The following ZNF681 variants were observed in gnomAD, a reference collection of about 807,000 sequenced individuals.
ZNF681 encodes the protein hypothetical protein FLJ31526.
In ZNF681, 37 loss-of-function variants were observed where a neutral mutation model predicts 56.0. That is an observed-to-expected ratio of 0.66 (90% confidence interval 0.51 to 0.87). The LOEUF is 0.87. ZNF681 is among the 40% of genes least tolerant of loss of function. The pLI, the probability that ZNF681 is intolerant of heterozygous loss-of-function variation, is 0.00. For synonymous variants in ZNF681, 225 were observed against 248.6 expected (o/e 0.91, Z 0.89); for missense variants, 741 against 744.9 (o/e 0.99, Z 0.06).
chr19:23,744,452 G>C lies in ZNF681; in HGVS notation c.1098C>G (p.Tyr366Ter). 6.3e-7 allele frequency: 1 copy of C among 1,578,230 alleles called. No homozygotes were observed. The highest frequency in any genetic ancestry group is 8.6e-7 in the Non-Finnish European group (1 of 1,159,104). Reference protein sequence around the residue: ...HKIIHTGEKPYRCEECGKAFR... With the variant: ...HKIIHTGEKP ...AGGCTTTGCCACATTCTTCACATCT[G>C]TAGGGCTTCTCTCCAGTATGAATTA... The change falls in exon 4 of 4, where the codon TAC (tyrosine) becomes TAG (stop). Residue 366 changes from tyrosine (Y) to a stop codon, truncating the protein, a stop_gained. Coordinates refer to ENST00000402377, the MANE Select transcript of ZNF681 (RefSeq NM_138286.3). LOFTEE classifies it high-confidence loss of function.
At chr19:23,754,499 A>G (rs1969084684) in intron 3 of ZNF681, among the ~76,000 whole-genome samples, 1 of 151,596 alleles carries the variant, frequency 6.6e-6, no homozygotes, top group African/African-American at 2.4e-5. Context: ...AACCGTCTCT[A>G]CTAAAAAAAT....
chr19:23,743,577 C>A lies in ZNF681; in HGVS notation c.*35G>T, dbSNP rs199778359. Reference sequence around the variant, plus strand: ...TTATCTTATGCACAATCAAGTGTGACAACTTTTAAAGGTTTTGTTACATTC... The same window carrying A: ...TTATCTTATGCACAATCAAGTGTGAAAACTTTTAAAGGTTTTGTTACATTC... On this transcript the variant is annotated 3_prime_UTR_variant, in exon 4 of 4. Transcript: ENST00000402377. The A allele has an allele frequency of 1.6e-3, 2,352 of 1,438,908 alleles. 4 individuals carry two copies. Among genetic ancestry groups the A allele is most frequent in the Non-Finnish European group, 2.1e-3 (2,264 of 1,095,028 alleles). 89.1% of individuals were successfully genotyped at this position (1,438,908 alleles called of 1,614,324 possible).
chr19:23,748,110 A>G (rs1968972106), intron 3 of ZNF681, among the ~76,000 whole-genome samples: 1 of 152,220 alleles, frequency 6.6e-6, no homozygotes, highest in Admixed American at 6.5e-5. Context: ...TTGATATGAT[A>G]TTAAATGCAT....
In ZNF681 at chr19:23,750,836, A is replaced by AC. The variant is rs1331706201; in HGVS notation, c.226+3986_226+3987insG. On this transcript the variant is annotated intron_variant, in intron 3 of 3. Transcript: ENST00000402377. The stretch of plus-strand genomic sequence containing the variant: ...TGAGACCGCATCTCTAAAAAAAAAA[A>AC]AAAACACCCAGGCGCAGTGGCTCAC... Among the ~76,000 whole-genome samples, 96 of 140,654 alleles carry AC rather than the reference A, an allele frequency of 6.8e-4. 2 individuals carry two copies. The highest frequency in any genetic ancestry group is 2.2e-3 in the African/African-American group (83 of 37,512). 92.3% of individuals were successfully genotyped at this position (140,654 alleles called of 152,430 possible).
At chr19:23,758,657 G>A (rs6417220) in intron 1 of ZNF681, 90 bp downstream of exon 1, 1,596,410 of 1,603,228 alleles carry the variant, frequency 1, 795,062 homozygotes, top group East Asian at 1. Context: ...GGAGAACTCA[G>A]GGCGCAAATT....
At position 23,744,459 on chromosome 19, in the gene ZNF681, T is replaced by C; in HGVS notation, c.1091A>G (p.Lys364Arg). Reference protein sequence around the residue: ...TRHKIIHTGEKPYRCEECGKA... With the variant: ...TRHKIIHTGERPYRCEECGKA... ...GCCACATTCTTCACATCTGTAGGGC[T>C]TCTCTCCAGTATGAATTATCTTATG... The change falls in exon 4 of 4, where the codon AAG becomes AGG. Residue 364 changes from lysine (K) to arginine (R), a missense_variant. Coordinates refer to ENST00000402377, the MANE Select transcript of ZNF681 (RefSeq NM_138286.3). 6.3e-7 allele frequency: 1 copy of C among 1,578,638 alleles called. No homozygotes were observed. Among genetic ancestry groups the C allele is most frequent in the Non-Finnish European group, 8.6e-7 (1 of 1,159,282 alleles).
chr19:23,756,407 T>C (rs142186119), intron 1 of ZNF681, among the ~76,000 whole-genome samples: 2 of 151,510 alleles, frequency 1.3e-5, no homozygotes, highest in African/African-American at 2.4e-5. Flanking sequence ...CCATCAATGA[T>C]AGAATGGATA....
In ZNF681 at chr19:23,744,637, T is replaced by C. The variant is rs780790566; in HGVS notation, c.913A>G (p.Thr305Ala). 5 of 1,596,844 alleles carry C rather than the reference T, an allele frequency of 3.1e-6. No homozygotes were observed. Among genetic ancestry groups the C allele is most frequent in the Non-Finnish European group, 4.3e-6 (5 of 1,167,786 alleles). ...TTATATTCATTGAGTTTCTCTCTGG[T>C]ATGAATTATCTTATGTGTAGTAAGG... Reference protein sequence around the residue: ...LTLTTHKIIHTREKLNEYKEC... With the variant: ...LTLTTHKIIHAREKLNEYKEC... Residue 305 changes from threonine to alanine, a missense_variant, in exon 4 of 4, where the codon ACC becomes GCC. By Grantham distance (58) the Thr-to-Ala change is moderately conservative. Coordinates refer to ENST00000402377, the MANE Select transcript of ZNF681 (RefSeq NM_138286.3).
chr19:23,749,344 T>C (rs1238777723), intron 3 of ZNF681, among the ~76,000 whole-genome samples: 1 of 152,162 alleles, frequency 6.6e-6, no homozygotes, highest in Non-Finnish European at 1.5e-5. Context: ...GGTAAAATGT[T>C]CAGCTGTTAC....
chr19:23,748,283 A>G (rs1226210737), intron 3 of ZNF681, among the ~76,000 whole-genome samples: 3 of 152,180 alleles, frequency 2.0e-5, no homozygotes, highest in Non-Finnish European at 4.4e-5. Flanking sequence ...CCAACTCAGC[A>G]TTCCACTGAA....
At chr19:23,745,383 A>G in intron 3 of ZNF681, 60 bp from the exon 4 acceptor site, 1 of 1,315,860 alleles carries the variant, frequency 7.6e-7, no homozygotes, top group African/African-American at 1.5e-5. Context: ...ATACTTTACA[A>G]ATCCAACCTA....
At position 23,753,856 on chromosome 19, in the gene ZNF681, G is replaced by T. The variant is rs1378571145; in HGVS notation, c.226+967C>A. ...CAGCCTGGAGAAAGAGCGAGACTTT[G>T]TCTCAAAAAAAAAAAAAAAAAGTGC... On this transcript the variant is annotated intron_variant, in intron 3 of 3. Coordinates refer to ENST00000402377, the MANE Select transcript of ZNF681 (RefSeq NM_138286.3). Among the ~76,000 whole-genome samples, 16 of 39,256 alleles carry T rather than the reference G, an allele frequency of 4.1e-4. No homozygotes were observed. In the Admixed American group the frequency reaches 6.9e-3, roughly 17 times the overall value. 25.8% of individuals were successfully genotyped at this position (39,256 alleles called of 152,430 possible).
rs1968866134 is a variant in ZNF681, at chr19:23,740,792, T to TAG, written c.*2819_*2820insCT. On this transcript the variant is annotated 3_prime_UTR_variant, in exon 4 of 4. Transcript: ENST00000402377. ...AATAAAATATTCTAACAACATAAAATATAACAATACACTAATTTTGAAATT... is the reference window on the plus strand; with the variant it reads ...AATAAAATATTCTAACAACATAAAATAGATAACAATACACTAATTTTGAAATT... 1 of 152,052 alleles carries TAG rather than the reference T, an allele frequency of 6.6e-6. No homozygotes were observed. The highest frequency in any genetic ancestry group is 1.5e-5 in the Non-Finnish European group (1 of 67,990). The allele number at this position is 152,052 out of a possible 1,614,324, so 9.4% of individuals were successfully genotyped here.
chr19:23,739,293 G>C lies in ZNF681; in HGVS notation c.*4319C>G, dbSNP rs1968850434. 2 of 152,056 alleles carry C rather than the reference G, an allele frequency of 1.3e-5. No individual in the cohort carries two copies. The highest frequency in any genetic ancestry group is 2.1e-4 in the South Asian group (1 of 4,820). 9.4% of individuals were successfully genotyped at this position (152,056 alleles called of 1,614,324 possible). On this transcript the variant is annotated 3_prime_UTR_variant, in exon 4 of 4. Transcript: ENST00000402377. Reference sequence around the variant, plus strand: ...TAGAAAAATTAATCTAACTGAAGTGGAGAATAAAATGGTGACCACCAGATG... The same window carrying C: ...TAGAAAAATTAATCTAACTGAAGTGCAGAATAAAATGGTGACCACCAGATG...
At chr19:23,754,156 C>G (rs1217828362) in intron 3 of ZNF681, among the ~76,000 whole-genome samples, 1 of 151,350 alleles carries the variant, frequency 6.6e-6, no homozygotes, top group Non-Finnish European at 1.5e-5. Flanking sequence ...AGAGATGATG[C>G]AAAAAAAGAA....
At position 23,758,854 on chromosome 19, in the gene ZNF681, T is replaced by C. The variant is rs777377917; in HGVS notation, c.-105A>G. 4.6e-6 allele frequency: 7 copies of C among 1,511,034 alleles called. No homozygotes were observed. The highest frequency in any genetic ancestry group is 3.8e-5 in the Admixed American group (2 of 53,302). 93.6% of individuals were successfully genotyped at this position (1,511,034 alleles called of 1,614,324 possible). On this transcript the variant is annotated 5_prime_UTR_variant, in exon 1 of 4. Coordinates refer to ENST00000402377, the MANE Select transcript of ZNF681 (RefSeq NM_138286.3). ...TCTAGAAGAAGAGGACACAGAGCAG[T>C]GAAGACGAGACCCGGAGCTCGGGCT...
chr19:23,748,982 A>G (rs1175139904), intron 3 of ZNF681, among the ~76,000 whole-genome samples: 1 of 152,220 alleles, frequency 6.6e-6, no homozygotes, highest in Admixed American at 6.5e-5. Context: ...ATTAAATACA[A>G]TAATTCAATT....
At chr19:23,755,390 G>T in intron 2 of ZNF681, 35 bp downstream of exon 2, 1 of 1,589,810 alleles carries the variant, frequency 6.3e-7, no homozygotes, top group Non-Finnish European at 8.5e-7. Flanking sequence ...AACCTTTAGG[G>T]TATAATAGGA....
chr19:23,748,835 A>G (rs1968983779), intron 3 of ZNF681, among the ~76,000 whole-genome samples: 1 of 152,218 alleles, frequency 6.6e-6, no homozygotes, highest in Admixed American at 6.5e-5. Flanking sequence ...CAAACCAATT[A>G]GAATGGCCAC....
Sources: allele counts gnomAD v4.1 joint callset (sites outside exome capture counted in the v4.1 genomes callset), GRCh38; gene constraint gnomAD v4.1.1; transcripts MANE v1.5; gene names NCBI Gene and HGNC (gene_info 2026-07-23, HGNC 2026-07-21).